The following CSMD1 variants were observed in gnomAD, a reference collection of about 807,000 sequenced individuals.
CSMD1 encodes CUB and sushi domain-containing protein 1.
CSMD1 carries 213 observed loss-of-function variants against 417.5 expected under a neutral mutation model. That is an observed-to-expected ratio of 0.51 (90% CI 0.46 to 0.57). The LOEUF (loss-of-function observed/expected upper bound fraction) is 0.57. Ranked by LOEUF, CSMD1 falls within the 20% of genes least tolerant of loss-of-function variation. The pLI is 0.00. For missense variants in CSMD1, 6,923 were observed against 4,529.7 expected, an observed-to-expected ratio of 1.53 and a Z score of -15.17; for synonymous variants, 2,862 against 1,736.8, an observed-to-expected ratio of 1.65 and a Z score of -16.11.
intron 12 of CSMD1, among the ~76,000 whole-genome samples, chr8:3,432,609 G>A (rs200648742): frequency 8.4e-5 from 12 of 142,580 alleles, no homozygotes; most frequent in Admixed American, 2.3e-4. Context: ...TCTGCCTCCC[G>A]GGATCAAGAG....
At chr8:3,294,313 A>T (rs184322463) in intron 25 of CSMD1, among the ~76,000 whole-genome samples, 1 of 152,096 alleles carries the variant, frequency 6.6e-6, no homozygotes, top group Non-Finnish European at 1.5e-5. Context: ...TGAGATCTCA[A>T]GCTGTGTGCT....
At chr8:3,291,631 T>C (rs1440806162) in intron 25 of CSMD1, among the ~76,000 whole-genome samples, 2 of 152,224 alleles carry the variant, frequency 1.3e-5, no homozygotes, top group Non-Finnish European at 2.9e-5. Context: ...TTTATAGTAT[T>C]CTCTGATGGT....
At chr8:4,160,072 A>C (rs377585590) in intron 3 of CSMD1, among the ~76,000 whole-genome samples, 4 of 147,604 alleles carry the variant, frequency 2.7e-5, no homozygotes, top group Non-Finnish European at 5.9e-5. Context: ...CTGTTCTCCA[A>C]AAGTATGGAA....
intron 25 of CSMD1, among the ~76,000 whole-genome samples, chr8:3,296,830 A>C (rs1804005877): frequency 6.6e-6 from 1 of 152,144 alleles, no homozygotes; most frequent in Admixed American, 6.6e-5. Context: ...GATGGGGAAA[A>C]TCAGAGTTTC....
intron 4 of CSMD1, among the ~76,000 whole-genome samples, chr8:3,998,593 C>A (rs1169751200): frequency 6.6e-6 from 1 of 152,046 alleles, no homozygotes; most frequent in Non-Finnish European, 1.5e-5. Flanking sequence ...TTTTGAATTT[C>A]AGATAGCTAT....
intron 2 of CSMD1, among the ~76,000 whole-genome samples, chr8:4,589,867 T>G (rs966507735): frequency 6.6e-6 from 1 of 152,172 alleles, no homozygotes. Flanking sequence ...TCAGAATCTA[T>G]CAGGAGCCTG....
At chr8:4,391,162 G>A (rs1407157058) in intron 3 of CSMD1, among the ~76,000 whole-genome samples, 2 of 152,160 alleles carry the variant, frequency 1.3e-5, no homozygotes, top group Non-Finnish European at 2.9e-5. Context: ...AGGCAAGTAT[G>A]GCAAGAACTA....
intron 14 of CSMD1, 127 bp from the exon 15 acceptor site, chr8:3,406,348 G>C (rs1005842254): frequency 4.4e-5 from 30 of 689,038 alleles, no homozygotes; most frequent in Non-Finnish European, 5.9e-5. Context: ...ATAAATTTCA[G>C]TTGTATCATT....
intron 3 of CSMD1, among the ~76,000 whole-genome samples, chr8:4,080,508 G>C (rs1800074557): frequency 6.6e-6 from 1 of 152,154 alleles, no homozygotes; most frequent in Admixed American, 6.5e-5. Context: ...ACTTGCAAAA[G>C]AAGATACTGA....
At chr8:4,561,615 G>C (rs1354197495) in intron 2 of CSMD1, among the ~76,000 whole-genome samples, 1 of 152,170 alleles carries the variant, frequency 6.6e-6, no homozygotes, top group Non-Finnish European at 1.5e-5. Flanking sequence ...CCAGGAGATT[G>C]AGGCCGCAGT....
chr8:4,921,294 C>T (rs182323514), intron 1 of CSMD1, among the ~76,000 whole-genome samples: 2 of 152,220 alleles, frequency 1.3e-5, no homozygotes, highest in East Asian at 3.9e-4. Flanking sequence ...GTGCTAAACA[C>T]ATTTCACATT....
At chr8:4,649,048 T>C (rs1803716147) in intron 1 of CSMD1, among the ~76,000 whole-genome samples, 1 of 152,230 alleles carries the variant, frequency 6.6e-6, no homozygotes, top group African/African-American at 2.4e-5. Context: ...ACTCTTCTTG[T>C]AGGCTTCAGT....
At chr8:3,984,139 G>C (rs533910568) in intron 5 of CSMD1, among the ~76,000 whole-genome samples, 1 of 152,170 alleles carries the variant, frequency 6.6e-6, no homozygotes, top group Non-Finnish European at 1.5e-5. Context: ...TGATGGGGCT[G>C]TCAATTGCAG....
At chr8:3,531,294 T>C (rs112375370) in intron 10 of CSMD1, among the ~76,000 whole-genome samples, 261 of 152,350 alleles carry the variant, frequency 1.7e-3, no homozygotes, top group African/African-American at 6.2e-3. Context: ...TTATTTGTTG[T>C]TGTGTGAGTA....
intron 1 of CSMD1, among the ~76,000 whole-genome samples, chr8:4,903,252 G>C (rs1446927696): frequency 6.6e-6 from 1 of 152,138 alleles, no homozygotes; most frequent in South Asian, 2.1e-4. Flanking sequence ...GACTTAGTGT[G>C]TCATCTTCAT....
chr8:4,962,188 C>CTTT (rs5889079), intron 1 of CSMD1, among the ~76,000 whole-genome samples: 2 of 140,586 alleles, frequency 1.4e-5, no homozygotes, highest in African/African-American at 5.5e-5. Flanking sequence ...TAAATTTCTG[C>CTTT]TTTTTTTTTA....
At chr8:4,343,177 G>A (rs1437615886) in intron 3 of CSMD1, among the ~76,000 whole-genome samples, 1 of 152,182 alleles carries the variant, frequency 6.6e-6, no homozygotes, top group South Asian at 2.1e-4. Flanking sequence ...AAAATACAAG[G>A]AGTGCTTCAG....
intron 6 of CSMD1, among the ~76,000 whole-genome samples, chr8:3,715,757 G>T (rs1801795361): frequency 6.6e-6 from 1 of 152,118 alleles, no homozygotes; most frequent in Admixed American, 6.5e-5. Flanking sequence ...TGGCCAAACT[G>T]GTCTCAAACT....
intron 18 of CSMD1, among the ~76,000 whole-genome samples, chr8:3,371,577 A>C (rs900826943): frequency 6.6e-6 from 1 of 152,052 alleles, no homozygotes. Context: ...AATGATACTC[A>C]GAATAACTTC....
Sources: gnomAD v4.1 joint callset for allele counts (sites outside exome capture counted in the v4.1 genomes callset) on GRCh38, gnomAD v4.1.1 for gene constraint, MANE v1.5 for transcripts, NCBI Gene and HGNC (gene_info 2026-07-23, HGNC 2026-07-21) for gene names.